TBCE: variants seen among roughly 807,000 people sequenced by gnomAD.
TBCE encodes the protein tubulin folding cofactor E.
TBCE carries 53 observed loss-of-function variants against 77.0 expected under a neutral mutation model. The observed-to-expected ratio is 0.69, with a 90% CI of 0.55 to 0.87. TBCE has a LOEUF of 0.87. Among genes scored for constraint, TBCE ranks in the 40% least tolerant of loss-of-function variants. The pLI is 0.00. For missense variants in TBCE, 624 were observed against 622.4 expected, an observed-to-expected ratio of 1.00 and a Z score of -0.03; for synonymous variants, 235 against 241.3, an observed-to-expected ratio of 0.97 and a Z score of 0.24.
intron 6 of TBCE, among the ~76,000 whole-genome samples, 189 bp downstream of exon 6, chr1:235,427,428 T>A (rs1187607225): frequency 6.6e-6 from 1 of 152,212 alleles, no homozygotes; most frequent in African/African-American, 2.4e-5. Flanking sequence ...GGTTTTCCTT[T>A]TAATGAAAAG....
In TBCE at chr1:235,409,009, CTTTTTTT is replaced by C. The variant is rs10565716; in HGVS notation, c.186-5412_186-5406del. On this transcript the variant is annotated intron_variant, in intron 3 of 16. Transcript: ENST00000642610. ...TTTGGATTTCAGATAAACAGCCAAT[CTTTTTTT>C]TTTTTTTTTTTAGTATAAGTATGAG... 3.6e-5 allele frequency among the ~76,000 whole-genome samples: 5 copies of C among 138,628 alleles called. No individual in the cohort carries two copies. The East Asian group carries it at 1.1e-3, about 30-fold the overall frequency. The allele number at this position is 138,628 out of a possible 152,430, so 90.9% of individuals were successfully genotyped here.
intron 4 of TBCE, among the ~76,000 whole-genome samples, chr1:235,417,924 C>T (rs1349544284): frequency 6.6e-6 from 1 of 152,038 alleles, no homozygotes; most frequent in Non-Finnish European, 1.5e-5. Context: ...ATTACAGGTG[C>T]CCCCCACTAT....
chr1:235,425,564 C>T (rs544659790), intron 5 of TBCE, among the ~76,000 whole-genome samples: 1 of 152,254 alleles, frequency 6.6e-6, no homozygotes, highest in African/African-American at 2.4e-5. Flanking sequence ...GGTCACCTGT[C>T]GCTGTTTCAA....
intron 3 of TBCE, among the ~76,000 whole-genome samples, chr1:235,413,613 A>G (rs1030323868): frequency 1.3e-5 from 2 of 151,432 alleles, no homozygotes; most frequent in African/African-American, 2.4e-5. Context: ...CAGTGAGTCA[A>G]GATTGCGCCA....
intron 13 of TBCE, 76 bp from the exon 14 acceptor site, chr1:235,441,738 T>G: frequency 3.0e-6 from 4 of 1,331,964 alleles, no homozygotes; most frequent in Non-Finnish European, 3.2e-6. Flanking sequence ...TACCTATCCT[T>G]TGTTTGTTTG....
At position 235,430,804 on chromosome 1, in the gene TBCE, G is replaced by A; in HGVS notation, c.660G>A (p.Glu220=). ...ATCAAACAGGAATAACGTGGGCTGA[G>A]GTAATCATATTTCTTTGTTTTATTA... The part of the protein sequence containing the change: ...VLNQTGITWA[E]VLRCVAGCPG... Residue 220 remains glutamate, a splice_region_variant and synonymous_variant, in exon 7 of 17, where the codon GAG becomes GAA. Coordinates refer to ENST00000642610, the MANE Select transcript of TBCE (RefSeq NM_003193.5). 18 of 1,611,540 alleles carry A rather than the reference G, an allele frequency of 1.1e-5. No homozygotes were observed. The highest frequency in any genetic ancestry group is 1.3e-5 in the Non-Finnish European group (15 of 1,178,020).
intron 1 of TBCE, among the ~76,000 whole-genome samples, chr1:235,372,761 A>G (rs1018884834): frequency 6.6e-6 from 1 of 151,772 alleles, no homozygotes; most frequent in Non-Finnish European, 1.5e-5. Context: ...CGTCTCTACT[A>G]AAAATACAAA....
intron 4 of TBCE, chr1:235,419,096 ACTGG>A: frequency 3.1e-6 from 1 of 320,004 alleles, no homozygotes; most frequent in Non-Finnish European, 6.0e-6. Flanking sequence ...AATCCCAGCT[ACTGG>A]GGAGGCTGAG....
chr1:235,375,798 T>C (rs987943302), intron 1 of TBCE, among the ~76,000 whole-genome samples: 6 of 152,032 alleles, frequency 3.9e-5, no homozygotes, highest in Non-Finnish European at 1.5e-5. Flanking sequence ...ATCCCAGCAC[T>C]TTGGGAGGCC....
chr1:235,426,884 A>AT (rs1680744874), intron 5 of TBCE, among the ~76,000 whole-genome samples: 1 of 152,174 alleles, frequency 6.6e-6, no homozygotes, highest in African/African-American at 2.4e-5. Context: ...ACCTCAAGTG[A>AT]TTCCCCCGAC....
intron 5 of TBCE, among the ~76,000 whole-genome samples, chr1:235,420,453 T>C (rs970368750): frequency 3.3e-5 from 5 of 151,222 alleles, no homozygotes; most frequent in Non-Finnish European, 5.9e-5. Context: ...TAGCTGGGAT[T>C]ACAGGTGCCC....
intron 1 of TBCE, among the ~76,000 whole-genome samples, chr1:235,371,322 C>T (rs1197225195): frequency 1.3e-5 from 2 of 150,586 alleles, no homozygotes; most frequent in Admixed American, 6.6e-5. Context: ...TCTCAAACTG[C>T]TGGGATTACA....
At position 235,452,355 on chromosome 1, in the gene TBCE, T is replaced by TTATA. The variant is rs2102966504; in HGVS notation, c.*3594_*3597dup. 6.6e-6 allele frequency: 1 copy of TTATA among 152,284 alleles called. No homozygotes were observed. The highest frequency in any genetic ancestry group is 1.9e-4 in the East Asian group (1 of 5,188). The allele number at this position is 152,284 out of a possible 1,614,324, so 9.4% of individuals were successfully genotyped here. ...TTTTTGTAGGCAGGGGAACGTTGAT[T>TTATA]TATAACCTTTTGCTTTAAACTCAGA... On this transcript the variant is annotated 3_prime_UTR_variant, in exon 17 of 17. Coordinates refer to ENST00000642610, the MANE Select transcript of TBCE (RefSeq NM_003193.5).
In TBCE at chr1:235,380,347, AT is replaced by A. The variant is rs1481298223; in HGVS notation, c.100+202del. Among the ~76,000 whole-genome samples the A allele has an allele frequency of 2.6e-5, 4 of 152,076 alleles. No individual in the cohort carries two copies. The South Asian group carries it at 8.3e-4, about 32-fold the overall frequency. The stretch of plus-strand genomic sequence containing the variant: ...GTGACAGTATCCTGTGGTATCTATG[AT>A]TTTGTTTAATTATATGCCATTTAAT... On this transcript the variant is annotated intron_variant, in intron 2 of 16. Transcript: ENST00000642610.
chr1:235,437,950 C>A (rs1220540023), intron 12 of TBCE, among the ~76,000 whole-genome samples: 1 of 152,142 alleles, frequency 6.6e-6, no homozygotes, highest in African/African-American at 2.4e-5. Flanking sequence ...TCCAGCTCCT[C>A]AGGAGAGAGT....
At chr1:235,389,893 G>T (rs1219700170) in intron 2 of TBCE, among the ~76,000 whole-genome samples, 1 of 152,024 alleles carries the variant, frequency 6.6e-6, no homozygotes, top group East Asian at 1.9e-4. Flanking sequence ...GGAAGCCAAG[G>T]CTGTAGATCA....
In TBCE at chr1:235,387,157, A is replaced by G. The variant is rs575976299; in HGVS notation, c.100+7008A>G. On this transcript the variant is annotated intron_variant, in intron 2 of 16. Coordinates refer to ENST00000642610, the MANE Select transcript of TBCE (RefSeq NM_003193.5). The stretch of plus-strand genomic sequence containing the variant: ...GCTGCTGTCTGATCGTTCCTCTGGA[A>G]GTTTTGTCTCAGAGGAGTACCCGGC... Among the ~76,000 whole-genome samples the G allele has an allele frequency of 5.4e-3, 825 of 152,246 alleles. 6 individuals are homozygous for G. Among genetic ancestry groups the G allele is most frequent in the African/African-American group, 0.019 (801 of 41,506 alleles).
At position 235,450,436 on chromosome 1, in the gene TBCE, A is replaced by G; in HGVS notation, c.*1674A>G. 7.1e-7 allele frequency: 1 copy of G among 1,399,630 alleles called. No homozygotes were observed. The highest frequency in any genetic ancestry group is 2.3e-5 in the East Asian group (1 of 43,118). The allele number at this position is 1,399,630 out of a possible 1,614,324, so 86.7% of individuals were successfully genotyped here. ...TAGACAGCTTTTATGTATTCTAATG[A>G]TGCTGAAATTATTTCAAGGATAACT... On this transcript the variant is annotated 3_prime_UTR_variant, in exon 17 of 17. Coordinates refer to ENST00000642610, the MANE Select transcript of TBCE (RefSeq NM_003193.5).
Position 235,450,529 on chromosome 1 carries a change from C to G in TBCE, c.*1767C>G, listed in dbSNP as rs1253284591. 6.6e-6 allele frequency: 4 copies of G among 608,508 alleles called. No individual in the cohort carries two copies. In the South Asian group the frequency reaches 8.3e-5, roughly 13 times the overall value. 37.7% of individuals were successfully genotyped at this position (608,508 alleles called of 1,614,324 possible). On this transcript the variant is annotated 3_prime_UTR_variant, in exon 17 of 17. Transcript: ENST00000642610. Reference sequence around the variant, plus strand: ...TGATTTGGGAAAGCACCAGGTCCCACAGTCCTGTGGCTGTGGAATACAGAA... The same window carrying G: ...TGATTTGGGAAAGCACCAGGTCCCAGAGTCCTGTGGCTGTGGAATACAGAA...
Sources: gnomAD v4.1 joint callset for allele counts (sites outside exome capture counted in the v4.1 genomes callset) on GRCh38, gnomAD v4.1.1 for gene constraint, MANE v1.5 for transcripts, NCBI Gene and HGNC (gene_info 2026-07-23, HGNC 2026-07-21) for gene names.